Variants in PITPNC1 observed in about 807,000 individuals in gnomAD.
PITPNC1 encodes phosphatidylinositol transfer protein cytoplasmic 1, also known as cytoplasmic phosphatidylinositol transfer protein 1.
A neutral mutation model predicts 44.7 loss-of-function variants in PITPNC1; 18 were observed. The observed-to-expected ratio is 0.40, with a 90% CI of 0.28 to 0.60. The LOEUF is 0.60. Among genes scored for constraint, PITPNC1 ranks in the 20% least tolerant of loss-of-function variants. The pLI is 0.39. For synonymous variants in PITPNC1, 141 were observed against 149.6 expected, an observed-to-expected ratio of 0.94 and a Z score of 0.42; for missense variants, 290 against 418.4, an observed-to-expected ratio of 0.69 and a Z score of 2.68.
intron 5 of PITPNC1, among the ~76,000 whole-genome samples, chr17:67,624,214 C>CTTTTT (rs71139163): frequency 1.6e-5 from 2 of 127,124 alleles, no homozygotes; most frequent in Non-Finnish European, 3.1e-5. Context: ...TCTTTCTTTT[C>CTTTTT]TTTTTTTTTT....
At chr17:67,478,518 G>A (rs2039661675) in intron 1 of PITPNC1, among the ~76,000 whole-genome samples, 1 of 152,120 alleles carries the variant, frequency 6.6e-6, no homozygotes, top group Admixed American at 6.5e-5. Flanking sequence ...TTCTGAGACA[G>A]GCTAGAGCTG....
intron 6 of PITPNC1, among the ~76,000 whole-genome samples, chr17:67,658,679 G>A (rs2042302394): frequency 6.6e-6 from 1 of 152,138 alleles, no homozygotes; most frequent in African/African-American, 2.4e-5. Context: ...CCCTGCCTCT[G>A]GTGCCTGCCC....
intron 1 of PITPNC1, among the ~76,000 whole-genome samples, chr17:67,476,073 C>A (rs956135388): frequency 2.0e-5 from 3 of 152,178 alleles, no homozygotes; most frequent in African/African-American, 7.2e-5. Flanking sequence ...TATTCTATCC[C>A]CTTCCAAAGT....
intron 1 of PITPNC1, among the ~76,000 whole-genome samples, chr17:67,513,383 ATAT>A (rs2040214512): frequency 6.7e-6 from 1 of 148,244 alleles, no homozygotes; most frequent in African/African-American, 2.5e-5. Flanking sequence ...ATCTATATCT[ATAT>A]CTATATCTAT....
intron 1 of PITPNC1, among the ~76,000 whole-genome samples, chr17:67,441,429 G>A (rs773023461): frequency 1.4e-4 from 21 of 152,118 alleles, no homozygotes; most frequent in Non-Finnish European, 2.6e-4. Flanking sequence ...GGCAGAGATG[G>A]GGCTATGTAC....
chr17:67,378,005 G>A lies in PITPNC1; in HGVS notation c.-150G>A, dbSNP rs1468667700. On this transcript the variant is annotated 5_prime_UTR_variant, in exon 1 of 9. Coordinates refer to ENST00000581322, the MANE Select transcript of PITPNC1 (RefSeq NM_012417.4). ...CATGCTCTGGGGCGGAGAGGAGGAA[G>A]CCAGGAGCTGAGCGCGCCGCGGGGG... 1 of 460,234 alleles carries A rather than the reference G, an allele frequency of 2.2e-6. No homozygotes were observed. Among genetic ancestry groups the A allele is most frequent in the Middle Eastern group, 5.5e-4 (1 of 1,822 alleles). The allele number at this position is 460,234 out of a possible 1,614,324, so 28.5% of individuals were successfully genotyped here.
At chr17:67,430,744 G>A (rs1055456530) in intron 1 of PITPNC1, among the ~76,000 whole-genome samples, 24 of 151,636 alleles carry the variant, frequency 1.6e-4, no homozygotes, top group Admixed American at 1.3e-3. Flanking sequence ...AGTTGAGGCC[G>A]GGAGTTCAAG....
intron 1 of PITPNC1, among the ~76,000 whole-genome samples, chr17:67,466,955 C>T (rs7211307): frequency 0.24 from 36,359 of 151,722 alleles, 7,384 homozygotes; most frequent in African/African-American, 0.56. Context: ...ACTGTTTTTG[C>T]AAAATAATAA....
At chr17:67,550,917 C>T (rs954016260) in intron 2 of PITPNC1, among the ~76,000 whole-genome samples, 13 of 151,936 alleles carry the variant, frequency 8.6e-5, no homozygotes, top group Non-Finnish European at 1.5e-4. Flanking sequence ...AAAAATTAGC[C>T]GGGCGTGGTG....
At chr17:67,428,625 A>T (rs2038807659) in intron 1 of PITPNC1, among the ~76,000 whole-genome samples, 1 of 151,946 alleles carries the variant, frequency 6.6e-6, no homozygotes. Flanking sequence ...AGATGATTTT[A>T]AACATTCTTC....
intron 1 of PITPNC1, among the ~76,000 whole-genome samples, chr17:67,394,836 A>G (rs1277335735): frequency 6.6e-6 from 1 of 151,980 alleles, no homozygotes; most frequent in African/African-American, 2.4e-5. Context: ...CGGAGCTTGC[A>G]GTGAGCCGAG....
chr17:67,589,279 G>C (rs2041359821), intron 5 of PITPNC1, among the ~76,000 whole-genome samples: 2 of 152,168 alleles, frequency 1.3e-5, no homozygotes, highest in Non-Finnish European at 2.9e-5. Context: ...GATTCTCAGA[G>C]GTATAGTGAC....
In PITPNC1 at chr17:67,578,044, T is replaced by C. The variant is rs994585682; in HGVS notation, c.295-142T>C. On this transcript the variant is annotated intron_variant, in intron 4 of 8. Transcript: ENST00000581322. Reference sequence around the variant, plus strand: ...AAGGCGGCTTTCCTTTGTCTGAATTTGGATATTGACTTAGTATCTTAACAT... The same window carrying C: ...AAGGCGGCTTTCCTTTGTCTGAATTCGGATATTGACTTAGTATCTTAACAT... The C allele has an allele frequency of 4.3e-6, 3 of 703,744 alleles. No homozygotes were observed. The African/African-American group carries it at 5.3e-5, about 12-fold the overall frequency. 43.6% of individuals were successfully genotyped at this position (703,744 alleles called of 1,614,324 possible). A position where few individuals can be genotyped will look rare whatever the true frequency, so the allele number is the denominator to read the frequency against.
rs995238774 is a variant in PITPNC1, at chr17:67,448,726, T to C, written c.48+70524T>C. Among the ~76,000 whole-genome samples the C allele has an allele frequency of 3.3e-5, 5 of 152,182 alleles. No individual in the cohort carries two copies. In the South Asian group the frequency reaches 6.2e-4, roughly 19 times the overall value. ...CCTTCCACAGTCAAAATCACCATAC[T>C]TACCTAGGCCATACTTACTAGGCTG... On this transcript the variant is annotated intron_variant, in intron 1 of 8. Transcript: ENST00000581322.
At chr17:67,489,321 A>G (rs1474954562) in intron 1 of PITPNC1, among the ~76,000 whole-genome samples, 1 of 152,208 alleles carries the variant, frequency 6.6e-6, no homozygotes, top group Non-Finnish European at 1.5e-5. Flanking sequence ...TCACCAGTGT[A>G]GACCTTCTCA....
In PITPNC1 at chr17:67,488,955, T is replaced by C. The variant is rs574706629; in HGVS notation, c.49-43847T>C. Among the ~76,000 whole-genome samples the C allele has an allele frequency of 1.6e-4, 24 of 152,354 alleles. No individual in the cohort carries two copies. The South Asian group carries it at 4.3e-3, about 28-fold the overall frequency. ...CTTTTCAGGAGTGAATAATATTCCA[T>C]TGTACGGATATACCATGTTTTGTTC... On this transcript the variant is annotated intron_variant, in intron 1 of 8. Coordinates refer to ENST00000581322, the MANE Select transcript of PITPNC1 (RefSeq NM_012417.4).
intron 5 of PITPNC1, among the ~76,000 whole-genome samples, chr17:67,604,244 T>C (rs80096474): frequency 0.052 from 7,904 of 152,314 alleles, 257 homozygotes; most frequent in Admixed American, 0.11. Context: ...TTTCCAGCCA[T>C]GTGTCTAGTT....
intron 6 of PITPNC1, among the ~76,000 whole-genome samples, chr17:67,648,746 G>A (rs1262029105): frequency 1.3e-5 from 2 of 152,124 alleles, no homozygotes; most frequent in Non-Finnish European, 2.9e-5. Context: ...GGCCCTATGT[G>A]GAGATGAAGG....
chr17:67,665,653 T>C (rs907023835), intron 6 of PITPNC1, among the ~76,000 whole-genome samples: 2 of 152,220 alleles, frequency 1.3e-5, no homozygotes, highest in African/African-American at 4.8e-5. Context: ...TTGGCTAAGA[T>C]TCTGATGTCC....
Sources: gnomAD v4.1 joint callset for allele counts (sites outside exome capture counted in the v4.1 genomes callset) on GRCh38, gnomAD v4.1.1 for gene constraint, MANE v1.5 for transcripts, NCBI Gene and HGNC (gene_info 2026-07-23, HGNC 2026-07-21) for gene names.